The following GNAQ variants were observed in gnomAD, a reference collection of about 807,000 sequenced individuals.
GNAQ encodes the protein guanine nucleotide-binding protein G(q) subunit alpha.
In GNAQ, 8 loss-of-function variants were observed where a neutral mutation model predicts 43.9. The observed-to-expected ratio is 0.18, with a 90% CI of 0.11 to 0.33. The LOEUF is 0.33. Among genes scored for constraint, GNAQ ranks in the 10% least tolerant of loss-of-function variants. The pLI, the probability that GNAQ is intolerant of heterozygous loss-of-function variation, is 1.00. For synonymous variants in GNAQ, 155 were observed against 170.7 expected, an observed-to-expected ratio of 0.91 and a Z score of 0.71; for missense variants, 158 against 450.8, an observed-to-expected ratio of 0.35 and a Z score of 5.88.
At chr9:77,735,937 A>T (rs1218210013) in intron 5 of GNAQ, among the ~76,000 whole-genome samples, 1 of 152,146 alleles carries the variant, frequency 6.6e-6, no homozygotes, top group African/African-American at 2.4e-5. Flanking sequence ...AGGATAGATG[A>T]GACAATGCAT....
At chr9:77,735,451 T>A (rs571858865) in intron 5 of GNAQ, among the ~76,000 whole-genome samples, 1 of 152,338 alleles carries the variant, frequency 6.6e-6, no homozygotes, top group African/African-American at 2.4e-5. Flanking sequence ...TGTCTGTGTC[T>A]ACTGGGTAAA....
At chr9:77,947,503 T>A (rs1348069429) in intron 1 of GNAQ, among the ~76,000 whole-genome samples, 1 of 152,184 alleles carries the variant, frequency 6.6e-6, no homozygotes, top group African/African-American at 2.4e-5. Context: ...AACAGAAGTG[T>A]GTGACACGAG....
At chr9:77,930,412 A>G (rs1829132061) in intron 1 of GNAQ, among the ~76,000 whole-genome samples, 1 of 152,196 alleles carries the variant, frequency 6.6e-6, no homozygotes, top group African/African-American at 2.4e-5. Flanking sequence ...CACAAAATTA[A>G]TGCTCATTTA....
Position 77,922,154 on chromosome 9 carries a change from C to T in GNAQ, c.321+7G>A, listed in dbSNP as rs368147611. 4 of 1,601,060 alleles carry T rather than the reference C, an allele frequency of 2.5e-6. No individual in the cohort carries two copies. Among genetic ancestry groups the T allele is most frequent in the Non-Finnish European group, 3.4e-6 (4 of 1,169,250 alleles). On this transcript the variant is annotated splice_region_variant and intron_variant, in intron 2 of 6. Coordinates refer to ENST00000286548, the MANE Select transcript of GNAQ (RefSeq NM_002072.5). Reference sequence around the variant, plus strand: ...AGCTGACTGCTCCAATGAAGAGTCGCACCTACCTTATTGTGCTCATACTTG... The same window carrying T: ...AGCTGACTGCTCCAATGAAGAGTCGTACCTACCTTATTGTGCTCATACTTG...
chr9:77,901,522 G>A (rs1173057440), intron 2 of GNAQ, among the ~76,000 whole-genome samples: 1 of 152,126 alleles, frequency 6.6e-6, no homozygotes, highest in African/African-American at 2.4e-5. Flanking sequence ...GAGCCGTCCT[G>A]CCTCTTCCTC....
chr9:77,929,400 C>T (rs765295532), intron 1 of GNAQ, among the ~76,000 whole-genome samples: 1 of 152,186 alleles, frequency 6.6e-6, no homozygotes, highest in Non-Finnish European at 1.5e-5. Context: ...TCCTCATACA[C>T]TAAACATTTT....
At chr9:77,851,185 C>T (rs1190663845) in intron 2 of GNAQ, among the ~76,000 whole-genome samples, 1 of 152,092 alleles carries the variant, frequency 6.6e-6, no homozygotes, top group Non-Finnish European at 1.5e-5. Flanking sequence ...AAAGTAAATC[C>T]AACATAATTG....
intron 2 of GNAQ, among the ~76,000 whole-genome samples, chr9:77,840,013 T>G (rs1045961253): frequency 2.6e-5 from 4 of 152,242 alleles, no homozygotes; most frequent in Non-Finnish European, 5.9e-5. Flanking sequence ...CCTTTCCAAA[T>G]GACTCAGTGA....
intron 3 of GNAQ, among the ~76,000 whole-genome samples, chr9:77,805,813 G>C (rs1388239387): frequency 6.6e-6 from 1 of 152,196 alleles, no homozygotes; most frequent in East Asian, 1.9e-4. Context: ...GACTATTCTG[G>C]AGGATAAAAG....
chr9:77,787,706 G>A (rs1826503720), intron 5 of GNAQ, among the ~76,000 whole-genome samples: 1 of 152,126 alleles, frequency 6.6e-6, no homozygotes, highest in South Asian at 2.1e-4. Context: ...ACCAATAAAA[G>A]AAATGAGTGA....
intron 5 of GNAQ, among the ~76,000 whole-genome samples, chr9:77,783,104 A>C (rs1199095401): frequency 3.3e-5 from 5 of 152,240 alleles, no homozygotes; most frequent in African/African-American, 1.2e-4. Context: ...CCCATCAATC[A>C]TACAACCTAA....
intron 2 of GNAQ, among the ~76,000 whole-genome samples, chr9:77,919,752 T>C (rs2118265167): frequency 6.6e-6 from 1 of 152,322 alleles, no homozygotes; most frequent in East Asian, 1.9e-4. Flanking sequence ...TTTATGAGGA[T>C]AATTATGGTA....
At chr9:77,774,528 C>T (rs930255380) in intron 5 of GNAQ, among the ~76,000 whole-genome samples, 1 of 152,168 alleles carries the variant, frequency 6.6e-6, no homozygotes, top group Non-Finnish European at 1.5e-5. Flanking sequence ...GTGGCACAAT[C>T]ATAGCTCACT....
chr9:77,730,781 A>G (rs913619673), intron 5 of GNAQ, among the ~76,000 whole-genome samples: 19 of 152,228 alleles, frequency 1.2e-4, no homozygotes, highest in African/African-American at 4.6e-4. Context: ...AGCCAGTGAT[A>G]AGATTTTAAG....
intron 1 of GNAQ, among the ~76,000 whole-genome samples, chr9:77,940,461 C>T (rs1169199390): frequency 6.6e-6 from 1 of 151,908 alleles, no homozygotes; most frequent in East Asian, 1.9e-4. Context: ...CACCTGTGGT[C>T]CTAGCTACTT....
At chr9:78,009,472 A>G (rs1219965592) in intron 1 of GNAQ, among the ~76,000 whole-genome samples, 1 of 152,212 alleles carries the variant, frequency 6.6e-6, no homozygotes, top group African/African-American at 2.4e-5. Flanking sequence ...CAAGTGGTGA[A>G]GTCAAATGTG....
chr9:77,797,849 T>C (rs1826681500), intron 3 of GNAQ, among the ~76,000 whole-genome samples: 2 of 152,202 alleles, frequency 1.3e-5, no homozygotes, highest in South Asian at 2.1e-4. Flanking sequence ...ATGGATTACA[T>C]ACACACCATA....
chr9:77,966,332 C>T (rs917574719), intron 1 of GNAQ, among the ~76,000 whole-genome samples: 13 of 151,790 alleles, frequency 8.6e-5, no homozygotes, highest in African/African-American at 3.1e-4. Context: ...AATTACATCG[C>T]AAAAAAACTG....
intron 2 of GNAQ, among the ~76,000 whole-genome samples, chr9:77,858,437 T>G (rs1393477835): frequency 6.6e-6 from 1 of 152,132 alleles, no homozygotes; most frequent in African/African-American, 2.4e-5. Flanking sequence ...ACTACTACCT[T>G]CATTTCACTG....
Sources: gnomAD v4.1 joint callset for allele counts (sites outside exome capture counted in the v4.1 genomes callset) on GRCh38, gnomAD v4.1.1 for gene constraint, MANE v1.5 for transcripts, NCBI Gene and HGNC (gene_info 2026-07-23, HGNC 2026-07-21) for gene names.